The following TMPRSS15 variants were observed in gnomAD, a reference collection of about 807,000 sequenced individuals.
TMPRSS15 encodes the protein enteropeptidase.
In TMPRSS15, 128 loss-of-function variants were observed where a neutral mutation model predicts 125.3. That is an observed-to-expected ratio of 1.02 (90% CI 0.89 to 1.18). TMPRSS15 has a LOEUF of 1.18. Ranked by LOEUF, TMPRSS15 falls within the 50% of genes most tolerant of loss-of-function variation. The pLI is 0.00. For synonymous variants in TMPRSS15, 446 were observed against 423.2 expected, an observed-to-expected ratio of 1.05 and a Z score of -0.66; for missense variants, 1,283 against 1,212.7, an observed-to-expected ratio of 1.06 and a Z score of -0.86.
chr21:18,457,271 C>G (rs1348846526), intron 1 of TMPRSS15, among the ~76,000 whole-genome samples: 1 of 152,034 alleles, frequency 6.6e-6, no homozygotes, highest in Non-Finnish European at 1.5e-5. Context: ...AAATGAAAGA[C>G]AGCATGTGAA....
At chr21:18,411,490 C>CT (rs1433414533) in intron 1 of TMPRSS15, among the ~76,000 whole-genome samples, 1 of 152,046 alleles carries the variant, frequency 6.6e-6, no homozygotes, top group African/African-American at 2.4e-5. Flanking sequence ...ATTAAAAAGT[C>CT]TTTTTTTCCC....
At chr21:18,472,871 G>T (rs1388188685) in intron 1 of TMPRSS15, among the ~76,000 whole-genome samples, 1 of 151,846 alleles carries the variant, frequency 6.6e-6, no homozygotes, top group Non-Finnish European at 1.5e-5. Flanking sequence ...TGAACAGTAG[G>T]TAGTTATTCC....
chr21:18,291,248 T>A (rs1042126581), intron 21 of TMPRSS15, among the ~76,000 whole-genome samples: 3 of 152,232 alleles, frequency 2.0e-5, no homozygotes, highest in African/African-American at 7.2e-5. Context: ...TTGTTGGACA[T>A]ACAGGATTAA....
chr21:18,330,334 T>C (rs1682398006), intron 14 of TMPRSS15, among the ~76,000 whole-genome samples: 1 of 152,214 alleles, frequency 6.6e-6, no homozygotes, highest in African/African-American at 2.4e-5. Flanking sequence ...TGATCTAAAA[T>C]GCAAGCTCGT....
At chr21:18,379,230 GTA>G (rs2075870145) in intron 5 of TMPRSS15, 51 bp downstream of exon 5, 1 of 902,246 alleles carries the variant, frequency 1.1e-6, no homozygotes, top group Admixed American at 3.6e-5. Context: ...AAAATAAAAT[GTA>G]TAAGAGAAAA....
intron 18 of TMPRSS15, among the ~76,000 whole-genome samples, chr21:18,303,243 T>C (rs9983837): frequency 0.9 from 137,095 of 151,976 alleles, 61,940 homozygotes; most frequent in East Asian, 1. Context: ...TTCTATTAAC[T>C]TTACTGCATA....
At chr21:18,464,172 CAAAAA>C (rs1163284712) in intron 1 of TMPRSS15, among the ~76,000 whole-genome samples, 2 of 37,178 alleles carry the variant, frequency 5.4e-5, no homozygotes, top group South Asian at 1.3e-3. Context: ...GACTCCGTCT[CAAAAA>C]AAAAAAAAAA....
chr21:18,372,407 G>T, intron 5 of TMPRSS15, 83 bp from the exon 6 acceptor site: 1 of 1,239,664 alleles, frequency 8.1e-7, no homozygotes, highest in Admixed American at 1.8e-5. Context: ...TTGCCACTGG[G>T]GTTCTTACTT....
intron 1 of TMPRSS15, among the ~76,000 whole-genome samples, chr21:18,469,394 A>G (rs1436330735): frequency 6.6e-6 from 1 of 152,128 alleles, no homozygotes; most frequent in African/African-American, 2.4e-5. Context: ...CCTTCAGGCA[A>G]CATTTTTTTG....
At chr21:18,410,654 T>TATG (rs367604051) in intron 1 of TMPRSS15, among the ~76,000 whole-genome samples, 541 of 152,186 alleles carry the variant, frequency 3.6e-3, no homozygotes, top group African/African-American at 0.012. Flanking sequence ...GGATGGAGTG[T>TATG]ATGCCTCAAC....
intron 1 of TMPRSS15, among the ~76,000 whole-genome samples, chr21:18,427,403 C>T (rs1427600128): frequency 1.3e-5 from 2 of 152,206 alleles, no homozygotes; most frequent in African/African-American, 4.8e-5. Context: ...TAAAAGTCAA[C>T]ATGCTGAAGA....
chr21:18,407,871 A>T (rs2123161327), upstream of TMPRSS15, among the ~76,000 whole-genome samples: 1 of 152,300 alleles, frequency 6.6e-6, no homozygotes, highest in East Asian at 1.9e-4. Context: ...AATAAAGAGA[A>T]TATACAGCTC....
At chr21:18,340,621 A>G (rs1357894726) in intron 13 of TMPRSS15, among the ~76,000 whole-genome samples, 1 of 152,196 alleles carries the variant, frequency 6.6e-6, no homozygotes, top group Non-Finnish European at 1.5e-5. Context: ...ATTTTAGGTG[A>G]TCTATGTCTG....
At chr21:18,322,072 A>G (rs2075244340) in intron 16 of TMPRSS15, among the ~76,000 whole-genome samples, 1 of 152,228 alleles carries the variant, frequency 6.6e-6, no homozygotes, top group African/African-American at 2.4e-5. Context: ...TCTATACACC[A>G]TAAAATTGGT....
At chr21:18,397,692 A>G (rs1255083349) in intron 3 of TMPRSS15, among the ~76,000 whole-genome samples, 187 bp downstream of exon 3, 6 of 152,180 alleles carry the variant, frequency 3.9e-5, no homozygotes, top group African/African-American at 1.2e-4. Flanking sequence ...CATAAGATCA[A>G]TTATCAAAAG....
At chr21:18,396,582 G>T (rs907399392) in intron 3 of TMPRSS15, among the ~76,000 whole-genome samples, 1 of 151,884 alleles carries the variant, frequency 6.6e-6, no homozygotes, top group Non-Finnish European at 1.5e-5. Flanking sequence ...AGACGATCTT[G>T]GCTAACATGG....
At chr21:18,464,338 C>T (rs2122954524) in intron 1 of TMPRSS15, among the ~76,000 whole-genome samples, 21 of 151,940 alleles carry the variant, frequency 1.4e-4, no homozygotes, top group African/African-American at 5.1e-4. Flanking sequence ...ACCCTAACAT[C>T]ACAATTAAAA....
intron 1 of TMPRSS15, among the ~76,000 whole-genome samples, chr21:18,398,649 C>T (rs1187970001): frequency 6.6e-6 from 1 of 152,122 alleles, no homozygotes; most frequent in Non-Finnish European, 1.5e-5. Context: ...GATACACGGA[C>T]TGATGAACTC....
chr21:18,328,037 A>G (rs2075310241), intron 15 of TMPRSS15, among the ~76,000 whole-genome samples: 1 of 152,138 alleles, frequency 6.6e-6, no homozygotes, highest in Non-Finnish European at 1.5e-5. Context: ...TGGGTGACAG[A>G]GCGAGGCTCC....
Sources: gnomAD v4.1 joint callset for allele counts (sites outside exome capture counted in the v4.1 genomes callset) on GRCh38, gnomAD v4.1.1 for gene constraint, MANE v1.5 for transcripts, NCBI Gene and HGNC (gene_info 2026-07-23, HGNC 2026-07-21) for gene names.